SLC24A2: variants seen among roughly 807,000 people sequenced by gnomAD.
SLC24A2 encodes the protein sodium/potassium/calcium exchanger 2.
In SLC24A2, 36 loss-of-function variants were observed where a neutral mutation model predicts 62.0. That is an observed-to-expected ratio of 0.58 (90% CI 0.44 to 0.77). SLC24A2 has a LOEUF of 0.77. Among genes scored for constraint, SLC24A2 ranks in the 30% least tolerant of loss-of-function variants. The probability of loss-of-function intolerance (pLI) is 0.00; values close to 1 mark genes in which losing one functional copy is unlikely to be tolerated. For missense variants in SLC24A2, 846 were observed against 817.9 expected, an observed-to-expected ratio of 1.03 and a Z score of -0.42; for synonymous variants, 358 against 294.0, an observed-to-expected ratio of 1.22 and a Z score of -2.23.
At chr9:19,899,925 T>C in the SLC24A2 span, among the ~76,000 whole-genome samples, 2 of 152,172 alleles carry the variant, frequency 1.3e-5, no homozygotes, top group Middle Eastern at 3.2e-3. Context: ...ATGGGGATTA[T>C]GGGAACTATT....
At chr9:19,889,989 A>G in the SLC24A2 span, among the ~76,000 whole-genome samples, 2 of 151,908 alleles carry the variant, frequency 1.3e-5, no homozygotes, top group African/African-American at 4.8e-5. Flanking sequence ...ATTTTGATCC[A>G]TACTTCTCTT....
At chr9:19,712,959 G>C (rs906842270) in intron 2 of SLC24A2, among the ~76,000 whole-genome samples, 1 of 152,086 alleles carries the variant, frequency 6.6e-6, no homozygotes, top group Non-Finnish European at 1.5e-5. Context: ...CCCTGGTTGA[G>C]AATCACTGCC....
the SLC24A2 span, among the ~76,000 whole-genome samples, chr9:20,074,607 A>G: frequency 0.12 from 8,129 of 68,978 alleles, 996 homozygotes; most frequent in East Asian, 0.54. Context: ...GGAAGGAAAG[A>G]AGGGAGTGAG....
chr9:20,045,005 C>A, the SLC24A2 span, among the ~76,000 whole-genome samples: 3 of 152,068 alleles, frequency 2.0e-5, no homozygotes, highest in Non-Finnish European at 4.4e-5. Context: ...TCTCTTGCTG[C>A]CTGACTAGCT....
At chr9:19,523,272 T>C (rs1586885935) in intron 9 of SLC24A2, among the ~76,000 whole-genome samples, 1 of 152,172 alleles carries the variant, frequency 6.6e-6, no homozygotes, top group Non-Finnish European at 1.5e-5. Context: ...GAGATGACAG[T>C]GCTGGGTACA....
At chr9:19,952,978 T>G in the SLC24A2 span, among the ~76,000 whole-genome samples, 2 of 152,004 alleles carry the variant, frequency 1.3e-5, no homozygotes, top group Admixed American at 1.3e-4. Context: ...GGGTCAGTTT[T>G]TGAAAGTTTT....
chr9:19,622,297 T>A lies in SLC24A2; in HGVS notation c.933A>T (p.Pro311=). 2 of 1,613,022 alleles carry A rather than the reference T, an allele frequency of 1.2e-6. No homozygotes were observed. Among genetic ancestry groups the A allele is most frequent in the Non-Finnish European group, 1.7e-6 (2 of 1,179,190 alleles). ...GTTCATCCTTGTCCCTGGCTGCAGA[T>A]GGCTGCATAAGAGAAAAAGGCAAAG... The part of the protein sequence containing the change: ...KVTAPEAQAK[P]SAARDKDEPT... The change falls in exon 3 of 11, where the codon CCA becomes CCT. Residue 311 remains proline (P), a splice_region_variant and synonymous_variant. Coordinates refer to ENST00000341998, the MANE Select transcript of SLC24A2 (RefSeq NM_020344.4).
At chr9:19,757,215 GT>G (rs1171975880) in intron 2 of SLC24A2, among the ~76,000 whole-genome samples, 1 of 152,000 alleles carries the variant, frequency 6.6e-6, no homozygotes, top group African/African-American at 2.4e-5. Context: ...CGTTTCATTT[GT>G]CTCTGTACCC....
chr9:19,701,014 T>A (rs1447980489), intron 2 of SLC24A2, among the ~76,000 whole-genome samples: 1 of 152,188 alleles, frequency 6.6e-6, no homozygotes, highest in Non-Finnish European at 1.5e-5. Flanking sequence ...ACTTAAAAAT[T>A]CAAGAGCTAA....
At chr9:19,578,728 C>T (rs1379190296) in intron 5 of SLC24A2, among the ~76,000 whole-genome samples, 3 of 152,136 alleles carry the variant, frequency 2.0e-5, no homozygotes, top group Non-Finnish European at 4.4e-5. Context: ...GGAATCATGG[C>T]GTGTGGTCAT....
the SLC24A2 span, among the ~76,000 whole-genome samples, chr9:20,101,226 C>T: frequency 3.9e-5 from 6 of 152,328 alleles, no homozygotes; most frequent in Admixed American, 6.5e-5. Context: ...AGGTCGGCAA[C>T]GATGCCCTGG....
the SLC24A2 span, among the ~76,000 whole-genome samples, chr9:20,229,947 T>C: frequency 1.4e-5 from 2 of 146,170 alleles, no homozygotes; most frequent in South Asian, 2.3e-4. Flanking sequence ...TGTGTTCTCA[T>C]TGTTCAATTC....
the SLC24A2 span, among the ~76,000 whole-genome samples, chr9:20,250,371 G>C: frequency 6.6e-6 from 1 of 152,138 alleles, no homozygotes; most frequent in Non-Finnish European, 1.5e-5. Context: ...ATGACAATGA[G>C]CCCCCATCTG....
chr9:20,144,303 C>T, the SLC24A2 span, among the ~76,000 whole-genome samples: 1 of 152,112 alleles, frequency 6.6e-6, no homozygotes, highest in African/African-American at 2.4e-5. Context: ...TCTTTAGACA[C>T]CTAAAACAGA....
the SLC24A2 span, among the ~76,000 whole-genome samples, chr9:19,917,563 T>A: frequency 7.2e-5 from 11 of 151,998 alleles, no homozygotes; most frequent in African/African-American, 2.7e-4. Flanking sequence ...GTCTTGTGAT[T>A]TTTTTTCATA....
At chr9:19,659,083 T>G (rs1174544850) in intron 2 of SLC24A2, among the ~76,000 whole-genome samples, 1 of 152,128 alleles carries the variant, frequency 6.6e-6, no homozygotes, top group Non-Finnish European at 1.5e-5. Context: ...GCAGATGTAA[T>G]TAGTTAAGAT....
the SLC24A2 span, among the ~76,000 whole-genome samples, chr9:20,155,271 A>C: frequency 6.6e-6 from 1 of 151,852 alleles, no homozygotes; most frequent in African/African-American, 2.4e-5. Context: ...GCTTAAAATA[A>C]AAGTACCTGT....
the SLC24A2 span, among the ~76,000 whole-genome samples, chr9:19,798,313 T>C: frequency 1.3e-5 from 2 of 152,206 alleles, no homozygotes; most frequent in African/African-American, 4.8e-5. Context: ...ATTTATGAAC[T>C]TAACATTCTT....
At chr9:20,177,425 G>C in the SLC24A2 span, among the ~76,000 whole-genome samples, 1 of 152,102 alleles carries the variant, frequency 6.6e-6, no homozygotes, top group South Asian at 2.1e-4. Context: ...CTTTGTTGCA[G>C]CAGAAAAATA....
Sources: allele counts gnomAD v4.1 joint callset (sites outside exome capture counted in the v4.1 genomes callset), GRCh38; gene constraint gnomAD v4.1.1; transcripts MANE v1.5; gene names NCBI Gene and HGNC (gene_info 2026-07-23, HGNC 2026-07-21).